Variants in ENOX2 observed in about 807,000 individuals in gnomAD.
The protein encoded by ENOX2 is APK1 antigen.
ENOX2 carries 36 observed loss-of-function variants against 45.0 expected under a neutral mutation model. The observed-to-expected ratio is 0.80, with a 90% confidence interval of 0.61 to 1.06. The LOEUF (loss-of-function observed/expected upper bound fraction) is 1.06. Among genes scored for constraint, ENOX2 ranks in the 50% least tolerant of loss-of-function variants. The pLI, the probability that ENOX2 is intolerant of heterozygous loss-of-function variation, is 0.00. For synonymous variants in ENOX2, 174 were observed against 152.3 expected (o/e 1.14, Z -1.05); for missense variants, 423 against 462.5 (o/e 0.91, Z 0.78).
At chrX:130,872,579 A>G (rs2078617047) in intron 2 of ENOX2, among the ~76,000 whole-genome samples, 1 of 111,992 alleles carries the variant, frequency 8.9e-6, no homozygotes, top group Non-Finnish European at 1.9e-5. Context: ...AAAAGAAGGA[A>G]GCAAGAAAGA....
intron 4 of ENOX2, among the ~76,000 whole-genome samples, chrX:130,701,176 C>G (rs1039174640): frequency 9.0e-6 from 1 of 110,736 alleles, no homozygotes; most frequent in Non-Finnish European, 1.9e-5. Flanking sequence ...ACATTTAGTC[C>G]CCTGGAACAC....
At position 130,840,522 on chromosome X, in the gene ENOX2, A is replaced by AAAATAAAT. The variant is rs61403363; in HGVS notation, c.-182-56840_-182-56833dup. On this transcript the variant is annotated intron_variant, in intron 2 of 14. Coordinates refer to ENST00000394363, the MANE Select transcript of ENOX2 (RefSeq NM_006375.4). The stretch of plus-strand genomic sequence containing the variant: ...TAATACAAGATTTTCTCTCTTTTAA[A>AAAATAAAT]AAATAAATAAATAAATAAATAAATA... 7.0e-3 allele frequency among the ~76,000 whole-genome samples: 721 copies of AAAATAAAT among 103,206 alleles called. 6 individuals carry two copies. The highest frequency in any genetic ancestry group is 0.019 in the African/African-American group (518 of 27,257). 89.6% of individuals were successfully genotyped at this position (103,206 alleles called of 115,157 possible). A position where few individuals can be genotyped will look rare whatever the true frequency, so the allele number is the denominator to read the frequency against.
intron 2 of ENOX2, among the ~76,000 whole-genome samples, chrX:130,784,128 C>T (rs1457269229): frequency 9.0e-6 from 1 of 111,349 alleles, no homozygotes; most frequent in Admixed American, 9.5e-5. Flanking sequence ...AAGTCACTTC[C>T]AATAGTAATA....
chrX:130,889,648 T>A (rs762930923), intron 2 of ENOX2, among the ~76,000 whole-genome samples: 7 of 111,593 alleles, frequency 6.3e-5, no homozygotes, highest in Non-Finnish European at 1.3e-4. Flanking sequence ...AGCTTTCTAA[T>A]CAGAAACATA....
At chrX:130,869,502 T>C (rs1971555334) in intron 2 of ENOX2, among the ~76,000 whole-genome samples, 1 of 111,621 alleles carries the variant, frequency 9.0e-6, no homozygotes. Flanking sequence ...GCCAGACTTC[T>C]TAATCATTCT....
rs1295710218 is a variant in ENOX2 at position 130,688,978 on chromosome X, T to C, written c.138A>G (p.Pro46=). ...PALGMMTGIP[P]ITPMMPGLGI... The stretch of plus-strand genomic sequence containing the variant: ...CCAAACCAGGCATCATTGGAGTTAT[T>C]GGTGGAATTCCAGTCATCATTCCAA... The change falls in exon 5 of 15, where the codon CCA becomes CCG. Residue 46 remains proline, a synonymous_variant. Coordinates refer to ENST00000394363, the MANE Select transcript of ENOX2 (RefSeq NM_006375.4). The C allele has an allele frequency of 1.7e-6, 2 of 1,205,436 alleles. No homozygotes were observed. The highest frequency in any genetic ancestry group is 2.2e-6 in the Non-Finnish European group (2 of 891,772).
At chrX:130,676,064 C>T (rs188600888) in intron 6 of ENOX2, among the ~76,000 whole-genome samples, 18 of 111,932 alleles carry the variant, frequency 1.6e-4, no homozygotes, top group African/African-American at 5.5e-4. Flanking sequence ...TACACTTGCA[C>T]ATCCATTCAT....
intron 3 of ENOX2, among the ~76,000 whole-genome samples, chrX:130,760,240 A>G (rs2039450096): frequency 9.0e-6 from 1 of 111,342 alleles, no homozygotes. Flanking sequence ...GGGATTTTCT[A>G]TGCAGGTGAT....
intron 3 of ENOX2, among the ~76,000 whole-genome samples, chrX:130,722,525 T>C (rs1171510677): frequency 8.9e-6 from 1 of 112,128 alleles, no homozygotes; most frequent in Non-Finnish European, 1.9e-5. Flanking sequence ...TATCTGGTTT[T>C]CAATCTGGCT....
At chrX:130,809,894 G>A (rs2077364161) in intron 2 of ENOX2, among the ~76,000 whole-genome samples, 1 of 110,765 alleles carries the variant, frequency 9.0e-6, no homozygotes, top group African/African-American at 3.3e-5. Context: ...GCTAAATGGT[G>A]GACTAGAGCT....
intron 2 of ENOX2, among the ~76,000 whole-genome samples, chrX:130,859,016 C>T (rs1402150185): frequency 8.9e-5 from 10 of 112,341 alleles, no homozygotes; most frequent in Admixed American, 8.5e-4. Flanking sequence ...GGGCAAGATA[C>T]GATCACTGTC....
intron 2 of ENOX2, among the ~76,000 whole-genome samples, chrX:130,843,570 C>T (rs1032676155): frequency 1.6e-4 from 18 of 111,525 alleles, no homozygotes; most frequent in Non-Finnish European, 3.0e-4. Flanking sequence ...CATATCTCTA[C>T]AGTCTCGTCC....
chrX:130,865,040 ATT>A (rs59866457), intron 2 of ENOX2, among the ~76,000 whole-genome samples: 35,282 of 94,323 alleles, frequency 0.37, 5,136 homozygotes, highest in East Asian at 0.6. Flanking sequence ...TTGGACACAG[ATT>A]TTTTTTTTTT....
intron 3 of ENOX2, among the ~76,000 whole-genome samples, chrX:130,762,386 G>T: frequency 8.9e-6 from 1 of 111,860 alleles, no homozygotes; most frequent in Non-Finnish European, 1.9e-5. Flanking sequence ...ACCAGCCTGG[G>T]TAGGTAACAT....
chrX:130,765,900 T>G (rs930450083), intron 3 of ENOX2, among the ~76,000 whole-genome samples: 5 of 111,808 alleles, frequency 4.5e-5, no homozygotes, highest in Non-Finnish European at 7.5e-5. Flanking sequence ...GAATTTCATA[T>G]GTCTAACACT....
chrX:130,755,120 T>A (rs2039324266), intron 3 of ENOX2, among the ~76,000 whole-genome samples: 1 of 111,900 alleles, frequency 8.9e-6, no homozygotes. Flanking sequence ...AATCACTTGA[T>A]TTTAGTCTAA....
intron 3 of ENOX2, among the ~76,000 whole-genome samples, chrX:130,719,102 G>A (rs1201447613): frequency 9.0e-6 from 1 of 111,450 alleles, no homozygotes; most frequent in Non-Finnish European, 1.9e-5. Flanking sequence ...TTTTTAAAGG[G>A]TCTCTCCTTG....
chrX:130,842,428 C>T (rs1332208613), intron 2 of ENOX2, among the ~76,000 whole-genome samples: 4 of 111,616 alleles, frequency 3.6e-5, no homozygotes, highest in African/African-American at 9.8e-5. Context: ...TCTTAATGCC[C>T]TATCCATCCT....
In ENOX2 at chrX:130,849,702, T is replaced by C. The variant is rs145207070; in HGVS notation, c.-183+51982A>G. ...GAAATTAGAAGATTTAGGTTTTAGT[T>C]CTAAGAGCATTATTAACTATATGTA... On this transcript the variant is annotated intron_variant, in intron 2 of 14. Transcript: ENST00000394363. Among the ~76,000 whole-genome samples, 930 of 112,139 alleles carry C rather than the reference T, an allele frequency of 8.3e-3. 5 individuals carry two copies. Among genetic ancestry groups the C allele is most frequent in the Non-Finnish European group, 0.013 (670 of 53,157 alleles).
Sources: allele counts gnomAD v4.1 joint callset (sites outside exome capture counted in the v4.1 genomes callset), GRCh38; gene constraint gnomAD v4.1.1; transcripts MANE v1.5; gene names NCBI Gene and HGNC (gene_info 2026-07-23, HGNC 2026-07-21).